Variants in SOAT2 observed in about 807,000 individuals in gnomAD.
SOAT2 encodes ACAT-2.
In SOAT2, 87 loss-of-function variants were observed where a neutral mutation model predicts 76.0. The ratio of observed to expected loss-of-function variants is 1.14; its 90% CI spans 0.96 to 1.37. The LOEUF is 1.37. SOAT2 is among the 40% of genes most tolerant of loss of function. SOAT2 has a pLI of 0.00. For missense variants in SOAT2, 686 were observed against 682.1 expected (o/e 1.01, Z -0.06); for synonymous variants, 285 against 275.4 (o/e 1.03, Z -0.34).
chr12:53,120,771 G>A lies in SOAT2; in HGVS notation c.1040-15G>A. 2 of 1,607,984 alleles carry A rather than the reference G, an allele frequency of 1.2e-6. No homozygotes were observed. The highest frequency in any genetic ancestry group is 1.7e-6 in the Non-Finnish European group (2 of 1,174,518). On this transcript the variant is annotated splice_polypyrimidine_tract_variant and intron_variant, in intron 10 of 14. Transcript: ENST00000301466. ...GGGCCAGCCTGACCTGCAGCCTCTT[G>A]TCCCCAACCACCAGGCATCTTCATG...
At chr12:53,122,850 C>T (rs1938213528) in intron 12 of SOAT2, among the ~76,000 whole-genome samples, 1 of 152,122 alleles carries the variant, frequency 6.6e-6, no homozygotes, top group South Asian at 2.1e-4. Flanking sequence ...CTGTTGGGTA[C>T]ACCTCCCAGA....
At chr12:53,112,467 A>T in intron 5 of SOAT2, among the ~76,000 whole-genome samples, 1 of 146,102 alleles carries the variant, frequency 6.8e-6, no homozygotes. Flanking sequence ...AATTGCTTGA[A>T]CCCGGGAGGC....
chr12:53,111,264 C>G (rs959221192), intron 5 of SOAT2, among the ~76,000 whole-genome samples: 9 of 152,192 alleles, frequency 5.9e-5, no homozygotes, highest in Admixed American at 2.0e-4. Context: ...CGCCACCACG[C>G]CCGGCTAATT....
intron 5 of SOAT2, among the ~76,000 whole-genome samples, chr12:53,108,217 T>G (rs1417674652): frequency 1.3e-5 from 2 of 152,188 alleles, no homozygotes; most frequent in Non-Finnish European, 2.9e-5. Flanking sequence ...TTGGGGTTCC[T>G]GGCCTGTCAG....
chr12:53,107,936 C>T (rs544195812), intron 5 of SOAT2, among the ~76,000 whole-genome samples: 2 of 141,686 alleles, frequency 1.4e-5, no homozygotes, highest in East Asian at 4.1e-4. Flanking sequence ...GTTTTTGAAA[C>T]ATAATTTTTC....
At position 53,105,631 on chromosome 12, in the gene SOAT2, G is replaced by T. The variant is rs1376508880; in HGVS notation, c.335+11G>T. On this transcript the variant is annotated intron_variant, in intron 4 of 14. Coordinates refer to ENST00000301466, the MANE Select transcript of SOAT2 (RefSeq NM_003578.4). ...CAAGTCCCTGCTTGAGTAAGTCGGG[G>T]TGATGACAAGTAATGGGAGGAAAAG... 1 of 1,605,754 alleles carries T rather than the reference G, an allele frequency of 6.2e-7. No individual in the cohort carries two copies. The highest frequency in any genetic ancestry group is 8.5e-7 in the Non-Finnish European group (1 of 1,174,518).
In SOAT2 at chr12:53,123,732, G is replaced by T. The variant is rs1938231264; in HGVS notation, c.1377G>T (p.Met459Ile). Reference protein sequence around the residue: ...MLILFLVIGGMLNFMMHDQRT... With the variant: ...MLILFLVIGGILNFMMHDQRT... ...CAACCTTTCCTCCTGCACCAGGAAT[G>T]TTGAACTTCATGATGCATGACCAGC... The change falls in exon 14 of 15, where the codon ATG (methionine) becomes ATT (isoleucine). Residue 459 changes from methionine (M) to isoleucine (I), a missense_variant. Physicochemically the swap from Met to Ile is conservative, Grantham distance 10 (BLOSUM62 1). Transcript: ENST00000301466. 2 of 1,614,060 alleles carry T rather than the reference G, an allele frequency of 1.2e-6. No homozygotes were observed. The highest frequency in any genetic ancestry group is 2.7e-5 in the African/African-American group (2 of 74,930).
intron 7 of SOAT2, among the ~76,000 whole-genome samples, chr12:53,117,262 A>ATTTTT (rs34151150): frequency 3.6e-4 from 39 of 109,022 alleles, no homozygotes; most frequent in South Asian, 1.1e-3. Context: ...CGCCCGGCCA[A>ATTTTT]TTTTTTTTTT....
rs1295448474 is a variant in SOAT2, at chr12:53,115,496, G to A, written c.550G>A (p.Ala184Thr). 6.2e-7 allele frequency: 1 copy of A among 1,610,072 alleles called. No individual in the cohort carries two copies. The highest frequency in any genetic ancestry group is 8.5e-7 in the Non-Finnish European group (1 of 1,179,610). The stretch of plus-strand genomic sequence containing the variant: ...GTCCACCCTGTTGGCGCCGTACCAG[G>A]CCCTACGGCTGTGGGCCAGGGGCAC... ...FLSTLLAPYQ[A>T]LRLWARGTWT... Residue 184 changes from alanine to threonine, a missense_variant, in exon 6 of 15, where the codon GCC becomes ACC. Transcript: ENST00000301466.
rs201295813 is a variant in SOAT2, at chr12:53,121,340, G to C, written c.1175G>C (p.Arg392Pro). 9.0e-5 allele frequency: 146 copies of C among 1,613,958 alleles called. No homozygotes were observed. Among genetic ancestry groups the C allele is most frequent in the Non-Finnish European group, 8.5e-7 (1 of 1,179,992 alleles). Residue 392 changes from arginine to proline, a missense_variant, in exon 12 of 15, where the codon CGC becomes CCC. Arg to Pro is a moderately radical substitution (Grantham distance 103). Transcript: ENST00000301466. ...TCAACGTCCTTCTCCAACTACTACC[G>C]CACTTGGAACGTGGTGGTCCATGAC... The part of the protein sequence containing the change: ...WNSTSFSNYY[R>P]TWNVVVHDWL...
intron 12 of SOAT2, among the ~76,000 whole-genome samples, chr12:53,121,961 C>G (rs750293169): frequency 6.6e-6 from 1 of 151,574 alleles, no homozygotes; most frequent in African/African-American, 2.4e-5. Context: ...GCAAATGCCA[C>G]CATGCTCAGC....
rs1206596543 is a variant in SOAT2, at chr12:53,105,237, T to G, written c.269T>G (p.Leu90Trp). 6.2e-7 allele frequency: 1 copy of G among 1,603,644 alleles called. No individual in the cohort carries two copies. Among genetic ancestry groups the G allele is most frequent in the Non-Finnish European group, 8.5e-7 (1 of 1,175,400 alleles). ...CTGCCCCCACCTCCCCCAGGTTCCT[T>G]GAGCAGGTGAGTCTGGGGAATGGCT... Reference protein sequence around the residue: ...KPLPPPPPGSLSRTQEPSLGK... With the variant: ...KPLPPPPPGSWSRTQEPSLGK... Residue 90 changes from leucine to tryptophan, a missense_variant, in exon 3 of 15, where the codon TTG becomes TGG. By Grantham distance (61) the Leu-to-Trp change is moderately conservative. Transcript: ENST00000301466.
chr12:53,111,262 C>T (rs536663745), intron 5 of SOAT2, among the ~76,000 whole-genome samples: 92 of 152,150 alleles, frequency 6.0e-4, no homozygotes, highest in African/African-American at 1.8e-3. Context: ...CCCGCCACCA[C>T]GCCCGGCTAA....
In SOAT2 at chr12:53,105,250, C is replaced by G. The variant is rs767750210; in HGVS notation, c.275+7C>G. 1 of 1,601,626 alleles carries G rather than the reference C, an allele frequency of 6.2e-7. No individual in the cohort carries two copies. The highest frequency in any genetic ancestry group is 2.3e-5 in the East Asian group (1 of 44,288). ...CCCCAGGTTCCTTGAGCAGGTGAGTCTGGGGAATGGCTGCGCGGGCTCCTC... is the reference window on the plus strand; with the variant it reads ...CCCCAGGTTCCTTGAGCAGGTGAGTGTGGGGAATGGCTGCGCGGGCTCCTC... On this transcript the variant is annotated splice_region_variant and intron_variant, in intron 3 of 14. Coordinates refer to ENST00000301466, the MANE Select transcript of SOAT2 (RefSeq NM_003578.4).
At position 53,115,492 on chromosome 12, in the gene SOAT2, C is replaced by G. The variant is rs140458943; in HGVS notation, c.546C>G (p.Tyr182Ter). 5.8e-4 allele frequency: 932 copies of G among 1,610,490 alleles called. No individual in the cohort carries two copies. The highest frequency in any genetic ancestry group is 7.3e-4 in the Non-Finnish European group (858 of 1,179,752). The change falls in exon 6 of 15, where the codon TAC (tyrosine) becomes TAG (stop). Residue 182 changes from tyrosine (Y) to a stop codon, truncating the protein, a stop_gained. Coordinates refer to ENST00000301466, the MANE Select transcript of SOAT2 (RefSeq NM_003578.4). LOFTEE classifies it high-confidence loss of function. Reference sequence around the variant, plus strand: ...TTCTGTCCACCCTGTTGGCGCCGTACCAGGCCCTACGGCTGTGGGCCAGGG... The same window carrying G: ...TTCTGTCCACCCTGTTGGCGCCGTAGCAGGCCCTACGGCTGTGGGCCAGGG... ...PMFLSTLLAP[Y>*]QALRLWARGT...
chr12:53,114,738 G>C (rs1938077165), intron 5 of SOAT2, among the ~76,000 whole-genome samples: 1 of 152,138 alleles, frequency 6.6e-6, no homozygotes, highest in Non-Finnish European at 1.5e-5. Context: ...AACAGTTTCT[G>C]AGTTTCCACC....
Position 53,119,160 on chromosome 12 carries a change from G to A in SOAT2, c.946G>A (p.Gly316Ser), listed in dbSNP as rs1938150866. 1 of 1,613,820 alleles carries A rather than the reference G, an allele frequency of 6.2e-7. No homozygotes were observed. The highest frequency in any genetic ancestry group is 8.5e-7 in the Non-Finnish European group (1 of 1,179,920). Reference protein sequence around the residue: ...GCVLYACFILGRLCVPVFANM... With the variant: ...GCVLYACFILSRLCVPVFANM... Reference sequence around the variant, plus strand: ...TGTGCTCTATGCCTGCTTCATCCTGGGCCGCCTCTGTGTTCCTGTCTTTGC... The same window carrying A: ...TGTGCTCTATGCCTGCTTCATCCTGAGCCGCCTCTGTGTTCCTGTCTTTGC... The change falls in exon 10 of 15, where the codon GGC becomes AGC. Residue 316 changes from glycine (G) to serine (S), a missense_variant. By Grantham distance (56) the Gly-to-Ser change is moderately conservative. Transcript: ENST00000301466.
intron 4 of SOAT2, 120 bp downstream of exon 4, chr12:53,105,740 TCTAAGGTGCAGGTCCC>T: frequency 9.4e-7 from 1 of 1,061,866 alleles, no homozygotes; most frequent in Non-Finnish European, 1.3e-6. Context: ...GGAAAGGGTT[TCTAAGGTGCAGGTCCC>T]CTATTTGCCC....
chr12:53,105,832 G>T, intron 4 of SOAT2, 75 bp from the exon 5 acceptor site: 1 of 1,259,622 alleles, frequency 7.9e-7, no homozygotes, highest in South Asian at 1.2e-5. Context: ...CATGCCTCAT[G>T]TGTACAGTGT....
Sources: allele counts gnomAD v4.1 joint callset (sites outside exome capture counted in the v4.1 genomes callset), GRCh38; gene constraint gnomAD v4.1.1; transcripts MANE v1.5; gene names NCBI Gene and HGNC (gene_info 2026-07-23, HGNC 2026-07-21).